Variants in GPC5 observed in about 807,000 individuals in gnomAD.
GPC5 encodes the protein glypican-5.
GPC5 carries 47 observed loss-of-function variants against 53.9 expected under a neutral mutation model. That is an observed-to-expected ratio of 0.87 (90% CI 0.69 to 1.11). The LOEUF (loss-of-function observed/expected upper bound fraction) is 1.11. Ranked by LOEUF, GPC5 falls within the 50% of genes most tolerant of loss-of-function variation. The probability of loss-of-function intolerance (pLI) is 0.00; values close to 1 mark genes in which losing one functional copy is unlikely to be tolerated. For synonymous variants in GPC5, 286 were observed against 263.3 expected (o/e 1.09, Z -0.84); for missense variants, 748 against 713.1 (o/e 1.05, Z -0.56).
chr13:92,103,874 A>T (rs1405392739), intron 6 of GPC5, among the ~76,000 whole-genome samples: 1 of 152,324 alleles, frequency 6.6e-6, no homozygotes, highest in Non-Finnish European at 1.5e-5. Flanking sequence ...CTGCTGGTGC[A>T]TGAGTTGCGA....
intron 2 of GPC5, among the ~76,000 whole-genome samples, chr13:91,496,775 A>G (rs1884289765): frequency 6.6e-6 from 1 of 152,150 alleles, no homozygotes; most frequent in Non-Finnish European, 1.5e-5. Context: ...AAAAATAACT[A>G]AAAGAGTATA....
chr13:91,490,781 AACTTTCTTCTTTGCT>A (rs1883900971), intron 2 of GPC5, among the ~76,000 whole-genome samples: 1 of 152,184 alleles, frequency 6.6e-6, no homozygotes, highest in South Asian at 2.1e-4. Context: ...ATAGTCAAAC[AACTTTCTTCTTTGCT>A]GCTTCTTCTT....
chr13:92,732,243 C>A (rs1888828820), intron 7 of GPC5, among the ~76,000 whole-genome samples: 1 of 151,456 alleles, frequency 6.6e-6, no homozygotes, highest in Non-Finnish European at 1.5e-5. Flanking sequence ...AACTTTACAA[C>A]CTAGATTCAT....
chr13:91,653,337 C>T (rs2034764315), intron 2 of GPC5, among the ~76,000 whole-genome samples: 1 of 152,038 alleles, frequency 6.6e-6, no homozygotes, highest in Admixed American at 6.6e-5. Context: ...CAATTGAACT[C>T]ATGAACATAG....
intron 2 of GPC5, among the ~76,000 whole-genome samples, chr13:91,472,853 C>T (rs1377500599): frequency 6.6e-6 from 1 of 152,048 alleles, no homozygotes; most frequent in African/African-American, 2.4e-5. Flanking sequence ...ACCGAGTGAA[C>T]TTGTTATCAT....
At chr13:91,582,894 G>A (rs997193300) in intron 2 of GPC5, among the ~76,000 whole-genome samples, 3 of 152,024 alleles carry the variant, frequency 2.0e-5, no homozygotes, top group African/African-American at 7.2e-5. Flanking sequence ...CCAGCTACCC[G>A]GAAGGCTGAG....
intron 6 of GPC5, among the ~76,000 whole-genome samples, chr13:91,920,213 C>G: frequency 6.6e-6 from 1 of 152,006 alleles, no homozygotes; most frequent in East Asian, 1.9e-4. Context: ...AATGAGAAAA[C>G]AGATTGCATT....
chr13:91,989,765 A>C (rs761991786), intron 6 of GPC5, among the ~76,000 whole-genome samples: 9 of 152,188 alleles, frequency 5.9e-5, no homozygotes, highest in Non-Finnish European at 1.2e-4. Flanking sequence ...TATTATCACC[A>C]ATACACAATA....
chr13:92,095,621 A>G (rs1291212466), intron 6 of GPC5, among the ~76,000 whole-genome samples: 1 of 151,540 alleles, frequency 6.6e-6, no homozygotes, highest in Non-Finnish European at 1.5e-5. Flanking sequence ...TGCAACCTCC[A>G]CCTCCTGGGT....
At chr13:91,644,056 CAT>C (rs1391926491) in intron 2 of GPC5, among the ~76,000 whole-genome samples, 58 of 151,724 alleles carry the variant, frequency 3.8e-4, no homozygotes, top group African/African-American at 1.4e-3. Context: ...CAACCCATGA[CAT>C]AGGCTACATA....
At chr13:92,815,049 T>C (rs898726599) in intron 7 of GPC5, among the ~76,000 whole-genome samples, 5 of 152,044 alleles carry the variant, frequency 3.3e-5, no homozygotes, top group African/African-American at 1.2e-4. Context: ...ACACCTATGA[T>C]ATACCAGATG....
At chr13:92,491,985 C>A (rs377586463) in intron 7 of GPC5, among the ~76,000 whole-genome samples, 18 of 151,884 alleles carry the variant, frequency 1.2e-4, no homozygotes, top group Non-Finnish European at 2.6e-4. Context: ...TTTTTTTTAT[C>A]TTTTCAGTCT....
chr13:92,020,302 C>T (rs1263099149), intron 6 of GPC5, among the ~76,000 whole-genome samples: 2 of 152,238 alleles, frequency 1.3e-5, no homozygotes, highest in Middle Eastern at 3.4e-3. Flanking sequence ...ACATAACCTA[C>T]CACATTCACA....
chr13:92,161,270 AT>A (rs967119490), intron 7 of GPC5, among the ~76,000 whole-genome samples: 4 of 152,098 alleles, frequency 2.6e-5, no homozygotes, highest in Non-Finnish European at 5.9e-5. Context: ...GATCCCAGAA[AT>A]GGATATTTAA....
chr13:92,388,473 C>T lies in GPC5; in HGVS notation c.1561+243484C>T, dbSNP rs111353569. On this transcript the variant is annotated intron_variant, in intron 7 of 7. Transcript: ENST00000377067. ...TATTAACATCATCTGTCATCATTTC[C>T]GACAAAAGGGTTGCTCCATTTTGGA... is the stretch of plus-strand genomic sequence containing the variant. 1.9e-3 allele frequency among the ~76,000 whole-genome samples: 285 copies of T among 152,124 alleles called. 2 individuals carry two copies. Among genetic ancestry groups the T allele is most frequent in the African/African-American group, 6.6e-3 (274 of 41,510 alleles).
intron 7 of GPC5, among the ~76,000 whole-genome samples, chr13:92,770,436 G>T (rs957267797): frequency 4.3e-5 from 5 of 115,840 alleles, no homozygotes; most frequent in Non-Finnish European, 7.6e-5. Flanking sequence ...AAAAAAAAAA[G>T]CACCAAAAAC....
intron 7 of GPC5, among the ~76,000 whole-genome samples, chr13:92,852,633 C>G (rs1294081078): frequency 6.6e-6 from 1 of 151,980 alleles, no homozygotes; most frequent in Non-Finnish European, 1.5e-5. Flanking sequence ...TGCAATGATG[C>G]TATCATAGTT....
chr13:92,279,410 A>G (rs888320668), intron 7 of GPC5, among the ~76,000 whole-genome samples: 13 of 152,058 alleles, frequency 8.5e-5, no homozygotes, highest in African/African-American at 2.9e-4. Flanking sequence ...ATTGTTTAAT[A>G]TAGAAAATCA....
At chr13:92,359,935 T>C (rs777152626) in intron 7 of GPC5, among the ~76,000 whole-genome samples, 1 of 151,490 alleles carries the variant, frequency 6.6e-6, no homozygotes, top group Non-Finnish European at 1.5e-5. Context: ...AGGTTGTTTG[T>C]TTTTTTTCTT....
Sources: allele counts gnomAD v4.1 joint callset (sites outside exome capture counted in the v4.1 genomes callset), GRCh38; gene constraint gnomAD v4.1.1; transcripts MANE v1.5; gene names NCBI Gene and HGNC (gene_info 2026-07-23, HGNC 2026-07-21).